Variants in RARB observed in about 807,000 individuals in gnomAD.
The protein encoded by RARB is HBV-activated protein.
A neutral mutation model predicts 51.9 loss-of-function variants in RARB; 17 were observed. That is an observed-to-expected ratio of 0.33 (90% CI 0.22 to 0.49). The LOEUF is 0.49. Ranked by LOEUF, RARB falls within the 20% of genes least tolerant of loss-of-function variation. RARB has a pLI of 0.99. For missense variants in RARB, 369 were observed against 550.8 expected (o/e 0.67, Z 3.30); for synonymous variants, 215 against 195.4 (o/e 1.10, Z -0.84).
chr3:24,894,308 A>G (rs1703440096), intron 2 of RARB, among the ~76,000 whole-genome samples: 1 of 104,564 alleles, frequency 9.6e-6, no homozygotes, highest in African/African-American at 3.9e-5. Flanking sequence ...TAGTGGCCCC[A>G]TCTTTGTGTC....
intron 2 of RARB, among the ~76,000 whole-genome samples, chr3:25,043,629 G>A (rs533092544): frequency 1.6e-4 from 25 of 152,264 alleles, no homozygotes; most frequent in Admixed American, 1.1e-3. Context: ...TAAAGTAGGC[G>A]TTACAGGGTT....
rs149006313 is a variant in RARB at position 25,005,036 on chromosome 3, A to G, written c.-379-55089A>G. On this transcript the variant is annotated intron_variant, in intron 2 of 11. Coordinates refer to the RARB transcript ENST00000383772. ...CCATACCCTACATCAAATTTATAAAATTTATTCAGAATTTTGGTAAAGCTA... is the reference window on the plus strand; with the variant it reads ...CCATACCCTACATCAAATTTATAAAGTTTATTCAGAATTTTGGTAAAGCTA... Among the ~76,000 whole-genome samples the G allele has an allele frequency of 2.0e-3, 301 of 152,186 alleles. 1 individual carries two copies. The highest frequency in any genetic ancestry group is 3.2e-3 in the Non-Finnish European group (217 of 68,008).
intron 5 of RARB, among the ~76,000 whole-genome samples, chr3:25,235,761 C>T (rs191647599): frequency 6.6e-6 from 1 of 152,272 alleles, no homozygotes; most frequent in African/African-American, 2.4e-5. Context: ...AAAGGCTTTG[C>T]TATAAAACCC....
In RARB at chr3:25,034,315, A is replaced by G. The variant is rs147680146; in HGVS notation, c.-379-25810A>G. ...GCACAGGGAGACCTTGTCACAAGAAAAAAAGAATAGCTGCCTGGATATATT... is the reference window on the plus strand; with the variant it reads ...GCACAGGGAGACCTTGTCACAAGAAGAAAAGAATAGCTGCCTGGATATATT... On this transcript the variant is annotated intron_variant, in intron 2 of 11. Transcript: ENST00000383772. 1.4e-3 allele frequency among the ~76,000 whole-genome samples: 218 copies of G among 152,358 alleles called. 3 individuals carry two copies. Among genetic ancestry groups the G allele is most frequent in the Non-Finnish European group, 1.8e-3 (124 of 68,042 alleles).
chr3:24,975,111 C>T (rs1297389801), intron 2 of RARB, among the ~76,000 whole-genome samples: 1 of 152,174 alleles, frequency 6.6e-6, no homozygotes, highest in South Asian at 2.1e-4. Context: ...ACTTGGACTT[C>T]ATTTACAGTG....
At chr3:25,236,999 C>T (rs138014168) in intron 5 of RARB, among the ~76,000 whole-genome samples, 1 of 131,090 alleles carries the variant, frequency 7.6e-6, no homozygotes, top group South Asian at 2.8e-4. Context: ...TGTTGGTCTT[C>T]CAGAACTGAG....
At chr3:25,353,997 T>C (rs975122244) in intron 5 of RARB, among the ~76,000 whole-genome samples, 1 of 152,084 alleles carries the variant, frequency 6.6e-6, no homozygotes, top group Non-Finnish European at 1.5e-5. Context: ...ATAGTTTTTG[T>C]GGGATTCAAG....
At chr3:25,301,082 T>C (rs1487595916) in intron 5 of RARB, among the ~76,000 whole-genome samples, 2 of 152,378 alleles carry the variant, frequency 1.3e-5, no homozygotes, top group South Asian at 4.1e-4. Flanking sequence ...TCATTGTCAG[T>C]TGAGAAACAT....
At chr3:24,934,007 ATGTTT>A (rs908227337) in intron 2 of RARB, among the ~76,000 whole-genome samples, 7 of 152,168 alleles carry the variant, frequency 4.6e-5, no homozygotes, top group African/African-American at 1.7e-4. Flanking sequence ...TAATCGAACA[ATGTTT>A]TGTTTTGTTT....
intron 5 of RARB, among the ~76,000 whole-genome samples, chr3:25,194,826 A>G (rs577885351): frequency 1.1e-4 from 16 of 151,978 alleles, no homozygotes; most frequent in Non-Finnish European, 1.9e-4. Flanking sequence ...GAACCCCAGT[A>G]TCAAGTTTCT....
At chr3:25,508,423 G>A (rs1200123810) in intron 3 of RARB, among the ~76,000 whole-genome samples, 1 of 152,076 alleles carries the variant, frequency 6.6e-6, no homozygotes, top group Non-Finnish European at 1.5e-5. Context: ...AAACCTTTTG[G>A]ACTAAAGGCA....
chr3:25,050,105 G>A (rs1698297063), intron 2 of RARB, among the ~76,000 whole-genome samples: 1 of 152,192 alleles, frequency 6.6e-6, no homozygotes, highest in Non-Finnish European at 1.5e-5. Flanking sequence ...ACGTGGAAAA[G>A]CATATGCCAA....
chr3:25,249,681 A>ATTTTT (rs775744919), intron 5 of RARB, among the ~76,000 whole-genome samples: 22 of 95,276 alleles, frequency 2.3e-4, no homozygotes, highest in Non-Finnish European at 3.6e-4. Context: ...TCTCTGTATG[A>ATTTTT]TTTTTTTTTT....
chr3:24,929,208 G>C (rs1474484435), intron 2 of RARB, among the ~76,000 whole-genome samples: 1 of 152,032 alleles, frequency 6.6e-6, no homozygotes, highest in Admixed American at 6.6e-5. Flanking sequence ...AGAGGAAACA[G>C]AACAACAGGT....
At chr3:25,108,825 T>C (rs757206000) in intron 3 of RARB, among the ~76,000 whole-genome samples, 2 of 152,218 alleles carry the variant, frequency 1.3e-5, no homozygotes, top group African/African-American at 4.8e-5. Flanking sequence ...TTTTCAACTT[T>C]CCTAAAACTA....
At chr3:24,998,647 A>G (rs1697094486) in intron 2 of RARB, among the ~76,000 whole-genome samples, 1 of 152,132 alleles carries the variant, frequency 6.6e-6, no homozygotes. Flanking sequence ...ATGTTTCTAC[A>G]GGCTTCTGGA....
intron 2 of RARB, among the ~76,000 whole-genome samples, chr3:25,014,455 G>T (rs918613876): frequency 2.2e-4 from 33 of 152,116 alleles, no homozygotes; most frequent in Admixed American, 1.9e-3. Context: ...AAAGATTTCA[G>T]GGAGGAGAGA....
At chr3:25,114,926 G>A (rs923484516) in intron 3 of RARB, among the ~76,000 whole-genome samples, 10 of 152,154 alleles carry the variant, frequency 6.6e-5, no homozygotes, top group Non-Finnish European at 1.2e-4. Flanking sequence ...TTTTGGAAGT[G>A]TTGGACTCTG....
chr3:25,007,636 C>G (rs987267045), intron 2 of RARB, among the ~76,000 whole-genome samples: 1 of 133,588 alleles, frequency 7.5e-6, no homozygotes, highest in Admixed American at 8.1e-5. Context: ...GAAAGTGGTG[C>G]ATACAGTTTT....
Sources: allele counts gnomAD v4.1 joint callset (sites outside exome capture counted in the v4.1 genomes callset), GRCh38; gene constraint gnomAD v4.1.1; transcripts MANE v1.5; gene names NCBI Gene and HGNC (gene_info 2026-07-23, HGNC 2026-07-21).